Variants in TENM4 observed in about 807,000 individuals in gnomAD.
The protein encoded by TENM4 is teneurin-4.
In TENM4, 82 loss-of-function variants were observed where a neutral mutation model predicts 243.3. The observed-to-expected ratio is 0.34, with a 90% CI of 0.28 to 0.40. The LOEUF is 0.40. Among genes scored for constraint, TENM4 ranks in the 10% least tolerant of loss-of-function variants. The pLI is 1.00. For missense variants in TENM4, 3,138 were observed against 3,673.3 expected (o/e 0.85, Z 3.77); for synonymous variants, 1,412 against 1,456.3 (o/e 0.97, Z 0.69).
At chr11:79,195,242 G>A (rs1863599296) in intron 3 of TENM4, among the ~76,000 whole-genome samples, 1 of 152,344 alleles carries the variant, frequency 6.6e-6, no homozygotes, top group African/African-American at 2.4e-5. Flanking sequence ...CCTCTGCTAG[G>A]GCAGTATAGA....
At chr11:78,767,121 T>C (rs1286544072) in intron 18 of TENM4, among the ~76,000 whole-genome samples, 2 of 152,210 alleles carry the variant, frequency 1.3e-5, no homozygotes, top group African/African-American at 4.8e-5. Flanking sequence ...CTTGAAGGGC[T>C]ACAGGGATCT....
chr11:78,670,366 A>G lies in TENM4; in HGVS notation c.5979T>C (p.Thr1993=). 6.2e-7 allele frequency: 1 copy of G among 1,613,948 alleles called. No homozygotes were observed. The highest frequency in any genetic ancestry group is 2.2e-5 in the East Asian group (1 of 44,866). The change falls in exon 32 of 34, where the codon ACT becomes ACC. Residue 1993 remains threonine (T), a synonymous_variant. Transcript: ENST00000278550. ...EGNASVIQDF[T]EDGHLLHTFY... ...AGGTGTGAAGGAGGTGCCCATCCTC[A>G]GTGAAGTCCTGTATGACTGAGGCAT...
chr11:79,068,396 G>C (rs1860322445), intron 5 of TENM4: 1 of 152,222 alleles, frequency 6.6e-6, no homozygotes, highest in African/African-American at 2.4e-5. Context: ...AGCTGGGAAA[G>C]GGACTGCTCA....
At chr11:78,716,236 T>C (rs1279458596) in intron 25 of TENM4, among the ~76,000 whole-genome samples, 1 of 152,096 alleles carries the variant, frequency 6.6e-6, no homozygotes, top group African/African-American at 2.4e-5. Flanking sequence ...CCTCTGCCCA[T>C]ATTCACCTGG....
intron 12 of TENM4, among the ~76,000 whole-genome samples, chr11:78,846,687 C>T (rs1858401283): frequency 6.7e-6 from 1 of 150,086 alleles, no homozygotes; most frequent in African/African-American, 2.4e-5. Context: ...CTTCGCTTAC[C>T]CTAACTTACT....
intron 9 of TENM4, among the ~76,000 whole-genome samples, chr11:78,868,584 T>C (rs957415725): frequency 6.6e-6 from 1 of 152,178 alleles, no homozygotes; most frequent in Non-Finnish European, 1.5e-5. Flanking sequence ...GTGCAAGCTC[T>C]ATCTTGACAT....
chr11:78,869,846 G>C (rs1388896150), intron 9 of TENM4, among the ~76,000 whole-genome samples: 1 of 152,188 alleles, frequency 6.6e-6, no homozygotes, highest in African/African-American at 2.4e-5. Flanking sequence ...AGATTTCGCT[G>C]ACAGCATAGC....
chr11:79,038,637 CT>C (rs1157434898), intron 6 of TENM4, among the ~76,000 whole-genome samples: 1 of 152,280 alleles, frequency 6.6e-6, no homozygotes, highest in East Asian at 1.9e-4. Flanking sequence ...GCAGAAACTC[CT>C]TTTTTTCTCT....
chr11:78,872,420 G>A (rs566210052), intron 9 of TENM4, among the ~76,000 whole-genome samples: 33 of 152,310 alleles, frequency 2.2e-4, no homozygotes, highest in Admixed American at 2.1e-3. Flanking sequence ...TGCTCTGCTG[G>A]TGTGAGGAGT....
chr11:79,265,188 A>G (rs188952241), intron 2 of TENM4, among the ~76,000 whole-genome samples: 1 of 152,322 alleles, frequency 6.6e-6, no homozygotes, highest in East Asian at 1.9e-4. Context: ...ATGAAACTGC[A>G]TGCTCCCTGG....
At position 78,880,358 on chromosome 11, in the gene TENM4, T is replaced by G. The variant is rs566126528; in HGVS notation, c.1084+9427A>C. 2.0e-5 allele frequency among the ~76,000 whole-genome samples: 3 copies of G among 150,974 alleles called. No individual in the cohort carries two copies. The East Asian group carries it at 5.8e-4, about 29-fold the overall frequency. On this transcript the variant is annotated intron_variant, in intron 9 of 33. Coordinates refer to ENST00000278550, the MANE Select transcript of TENM4 (RefSeq NM_001098816.3). ...CTCTGCCTAGGAAAATCAGAGACCT[T>G]TGTTCACATGTTTATCTGCTGACCT...
At chr11:78,699,738 A>G (rs540752727) in intron 28 of TENM4, among the ~76,000 whole-genome samples, 1 of 152,330 alleles carries the variant, frequency 6.6e-6, no homozygotes, top group South Asian at 2.1e-4. Flanking sequence ...CTTTCCTGGT[A>G]GAAGTGTAGG....
intron 1 of TENM4, among the ~76,000 whole-genome samples, chr11:79,322,119 C>T (rs1352779053): frequency 1.3e-5 from 2 of 152,296 alleles, no homozygotes; most frequent in Middle Eastern, 3.4e-3. Flanking sequence ...TGACTTACTC[C>T]ATATCCCTAT....
At chr11:79,375,825 GGTATAT>G (rs1167271170) in intron 1 of TENM4, among the ~76,000 whole-genome samples, 2 of 152,102 alleles carry the variant, frequency 1.3e-5, no homozygotes, top group Admixed American at 6.5e-5. Context: ...GCAGATGAGG[GGTATAT>G]GTATGCAAAA....
chr11:78,987,910 G>T (rs536600392), intron 6 of TENM4, among the ~76,000 whole-genome samples: 1 of 152,244 alleles, frequency 6.6e-6, no homozygotes, highest in South Asian at 2.1e-4. Context: ...ACAGGGCCAG[G>T]ACTCAGGGCT....
At chr11:79,430,907 G>T (rs1859154311) in intron 1 of TENM4, among the ~76,000 whole-genome samples, 1 of 152,168 alleles carries the variant, frequency 6.6e-6, no homozygotes, top group Non-Finnish European at 1.5e-5. Context: ...GGCCTTGAAG[G>T]CAGACAAACT....
At chr11:79,260,462 A>ATT (rs1855777230) in intron 2 of TENM4, among the ~76,000 whole-genome samples, 3 of 152,234 alleles carry the variant, frequency 2.0e-5, no homozygotes, top group African/African-American at 7.2e-5. Context: ...ACCTTAAAAA[A>ATT]TAGAGATTGT....
chr11:79,389,482 G>A (rs1048955982), intron 1 of TENM4, among the ~76,000 whole-genome samples: 4 of 152,176 alleles, frequency 2.6e-5, no homozygotes, highest in African/African-American at 9.7e-5. Context: ...AATGGGCCTA[G>A]GCCCCGAGTC....
At chr11:79,107,280 A>C (rs1430535227) in intron 4 of TENM4, among the ~76,000 whole-genome samples, 1 of 145,934 alleles carries the variant, frequency 6.9e-6, no homozygotes, top group African/African-American at 2.7e-5. Context: ...ACTTGAGAAT[A>C]CTAATCATAA....
Sources: allele counts gnomAD v4.1 joint callset (sites outside exome capture counted in the v4.1 genomes callset), GRCh38; gene constraint gnomAD v4.1.1; transcripts MANE v1.5; gene names NCBI Gene and HGNC (gene_info 2026-07-23, HGNC 2026-07-21).